VAT1L: variants seen among roughly 807,000 people sequenced by gnomAD.
VAT1L encodes vesicle amine transport 1 like.
A neutral mutation model predicts 44.1 loss-of-function variants in VAT1L; 34 were observed. The ratio of observed to expected loss-of-function variants is 0.77; its 90% CI spans 0.59 to 1.03. The LOEUF (loss-of-function observed/expected upper bound fraction) is 1.03, where lower values mean the gene tolerates loss of function less well. Among genes scored for constraint, VAT1L ranks in the 50% least tolerant of loss-of-function variants. The pLI is 0.00. For missense variants in VAT1L, 615 were observed against 538.8 expected, an observed-to-expected ratio of 1.14 and a Z score of -1.40; for synonymous variants, 253 against 202.2, an observed-to-expected ratio of 1.25 and a Z score of -2.13.
rs952602755 is a variant in VAT1L, at chr16:77,898,982, T to G, written c.1077+14180T>G. The stretch of plus-strand genomic sequence containing the variant: ...AAAGTGCCACGCTCCAGTTAGTCAT[T>G]TAATAAACTCTAAGTGAGCAGCTGC... On this transcript the variant is annotated intron_variant, in intron 7 of 8. Transcript: ENST00000302536. 2.0e-5 allele frequency among the ~76,000 whole-genome samples: 3 copies of G among 152,204 alleles called. No homozygotes were observed. In the East Asian group the frequency reaches 5.8e-4, roughly 29 times the overall value.
At chr16:77,855,341 GAAAA>G (rs747929473) in intron 3 of VAT1L, among the ~76,000 whole-genome samples, 1 of 95,982 alleles carries the variant, frequency 1.0e-5, no homozygotes, top group African/African-American at 3.7e-5. Flanking sequence ...CTCCATCTCA[GAAAA>G]AAAAAAAAAA....
chr16:77,895,100 C>CCACACACACACACACACACACACACA (rs67138523), intron 7 of VAT1L, among the ~76,000 whole-genome samples: 4,153 of 145,120 alleles, frequency 0.029, 124 homozygotes, highest in African/African-American at 0.063. Context: ...AGCCACTTGC[C>CCACACACACACACACACACACACACA]CACACACACA....
intron 3 of VAT1L, among the ~76,000 whole-genome samples, chr16:77,842,736 C>T (rs1355212101): frequency 6.6e-6 from 1 of 152,178 alleles, no homozygotes; most frequent in African/African-American, 2.4e-5. Flanking sequence ...TCTCTCTACT[C>T]CCAGCCCCAC....
At chr16:77,876,129 G>T (rs900945378) in intron 4 of VAT1L, among the ~76,000 whole-genome samples, 6 of 152,182 alleles carry the variant, frequency 3.9e-5, no homozygotes, top group African/African-American at 1.4e-4. Flanking sequence ...TCTGGCCCAG[G>T]CTGGTTCCCA....
intron 7 of VAT1L, among the ~76,000 whole-genome samples, chr16:77,897,354 A>G (rs533743428): frequency 6.6e-6 from 1 of 152,312 alleles, no homozygotes; most frequent in East Asian, 1.9e-4. Flanking sequence ...AACTGAGTCC[A>G]TATGTGGTGA....
At chr16:77,846,955 T>C (rs954195742) in intron 3 of VAT1L, among the ~76,000 whole-genome samples, 2 of 152,220 alleles carry the variant, frequency 1.3e-5, no homozygotes, top group Admixed American at 6.5e-5. Context: ...CTCTGAGATA[T>C]GGCATTGTAG....
intron 4 of VAT1L, among the ~76,000 whole-genome samples, chr16:77,872,229 A>T (rs1417153489): frequency 6.6e-6 from 1 of 151,802 alleles, no homozygotes; most frequent in Non-Finnish European, 1.5e-5. Flanking sequence ...CCCTTGAGCC[A>T]CCCCTCTCCC....
chr16:77,807,065 A>G (rs1440900882), intron 1 of VAT1L, among the ~76,000 whole-genome samples: 1 of 152,126 alleles, frequency 6.6e-6, no homozygotes, highest in Non-Finnish European at 1.5e-5. Context: ...CTGCCTTTGC[A>G]CCATTTGTTA....
At chr16:77,867,218 G>A (rs1197367638) in intron 4 of VAT1L, among the ~76,000 whole-genome samples, 6 of 152,114 alleles carry the variant, frequency 3.9e-5, no homozygotes, top group African/African-American at 1.4e-4. Context: ...GTTTACAAGA[G>A]GACTCAAGGA....
chr16:77,821,568 C>T lies in VAT1L; in HGVS notation c.364-3678C>T, dbSNP rs148673378. 3.8e-4 allele frequency among the ~76,000 whole-genome samples: 58 copies of T among 152,260 alleles called. No homozygotes were observed. In the East Asian group the frequency reaches 0.01, roughly 27 times the overall value. On this transcript the variant is annotated intron_variant, in intron 2 of 8. Coordinates refer to ENST00000302536, the MANE Select transcript of VAT1L (RefSeq NM_020927.3). ...TCAGCTTCCTAAAGTGCTGGGATTA[C>T]AGGCATGAGCCACCGTGCCCAGCCT...
In VAT1L at chr16:77,825,304, C is replaced by T. The variant is rs1486464295; in HGVS notation, c.422C>T (p.Thr141Ile). The T allele has an allele frequency of 6.2e-7, 1 of 1,614,184 alleles. No individual in the cohort carries two copies. Among genetic ancestry groups the T allele is most frequent in the Non-Finnish European group, 8.5e-7 (1 of 1,180,032 alleles). The change falls in exon 3 of 9, where the codon ACA becomes ATA. Residue 141 changes from threonine (T) to isoleucine (I), a missense_variant. By Grantham distance (89) the Thr-to-Ile change is moderately conservative. Coordinates refer to ENST00000302536, the MANE Select transcript of VAT1L (RefSeq NM_020927.3). ...NYNAWAEVVC[T>I]PVEFVYKIPD... ...AATGCCTGGGCAGAGGTGGTCTGCA[C>T]ACCAGTGGAGTTTGTCTACAAGATC...
Position 77,835,983 on chromosome 16 carries a change from G to C in VAT1L, c.579+10522G>C, listed in dbSNP as rs528097812. Among the ~76,000 whole-genome samples the C allele has an allele frequency of 3.3e-5, 5 of 152,170 alleles. No individual in the cohort carries two copies. The South Asian group carries it at 1.0e-3, about 32-fold the overall frequency. Reference sequence around the variant, plus strand: ...TGAGCTCTAAAGTCAGACTCCTTGGGTTTAGTCCCAGCTCCATCTTCCTAA... The same window carrying C: ...TGAGCTCTAAAGTCAGACTCCTTGGCTTTAGTCCCAGCTCCATCTTCCTAA... On this transcript the variant is annotated intron_variant, in intron 3 of 8. Coordinates refer to ENST00000302536, the MANE Select transcript of VAT1L (RefSeq NM_020927.3).
chr16:77,842,310 GC>G (rs1331892997), intron 3 of VAT1L, among the ~76,000 whole-genome samples: 2 of 152,172 alleles, frequency 1.3e-5, no homozygotes, highest in Non-Finnish European at 2.9e-5. Context: ...ATAGATGGGT[GC>G]CCACTCAGTG....
intron 7 of VAT1L, among the ~76,000 whole-genome samples, chr16:77,916,184 T>C (rs543292259): frequency 3.3e-5 from 5 of 152,226 alleles, no homozygotes; most frequent in African/African-American, 1.2e-4. Context: ...AATCACAACC[T>C]CTGCTGTAAT....
chr16:77,865,049 T>C (rs1047841062), intron 4 of VAT1L, among the ~76,000 whole-genome samples: 6 of 149,278 alleles, frequency 4.0e-5, no homozygotes, highest in South Asian at 2.2e-4. Flanking sequence ...TCTCGGCTCA[T>C]TGCAAGCTCC....
In VAT1L at chr16:77,908,464, C is replaced by CAAAAA. The variant is rs11418351; in HGVS notation, c.1077+23683_1077+23687dup. ...GGGGGACAAGAACCAGGTTCTGTCT[C>CAAAAA]AAAAAAAAAAAAAAAAAAAAAAAAA... On this transcript the variant is annotated intron_variant, in intron 7 of 8. Transcript: ENST00000302536. Among the ~76,000 whole-genome samples the CAAAAA allele has an allele frequency of 5.6e-4, 22 of 39,366 alleles. 1 individual carries two copies. In the South Asian group the frequency reaches 0.014, roughly 24 times the overall value. The allele number at this position is 39,366 out of a possible 152,430, so 25.8% of individuals were successfully genotyped here. A position where few individuals can be genotyped will look rare whatever the true frequency, so the allele number is the denominator to read the frequency against.
At chr16:77,788,957 G>T in intron 1 of VAT1L, 42 bp downstream of exon 1, 1 of 1,438,150 alleles carries the variant, frequency 7.0e-7, no homozygotes, top group Non-Finnish European at 9.1e-7. Flanking sequence ...CTTTTTGCGC[G>T]CTGGGCGCTG....
chr16:77,799,662 C>G (rs2016011214), intron 1 of VAT1L, among the ~76,000 whole-genome samples: 1 of 151,902 alleles, frequency 6.6e-6, no homozygotes, highest in Non-Finnish European at 1.5e-5. Flanking sequence ...TAAATGGCAG[C>G]CATCATGAGT....
intron 1 of VAT1L, among the ~76,000 whole-genome samples, chr16:77,797,311 A>G (rs2015955372): frequency 1.3e-5 from 2 of 151,920 alleles, no homozygotes; most frequent in Non-Finnish European, 2.9e-5. Context: ...AGATTTCACC[A>G]TGTTGGCCAG....
Sources: allele counts gnomAD v4.1 joint callset (sites outside exome capture counted in the v4.1 genomes callset), GRCh38; gene constraint gnomAD v4.1.1; transcripts MANE v1.5; gene names NCBI Gene and HGNC (gene_info 2026-07-23, HGNC 2026-07-21).